Variants in PRKN observed in about 807,000 individuals in gnomAD.
The protein encoded by PRKN is parkin RBR E3 ubiquitin protein ligase, also known as E3 ubiquitin-protein ligase parkin.
In PRKN, 56 loss-of-function variants were observed where a neutral mutation model predicts 59.5. That is an observed-to-expected ratio of 0.94 (90% CI 0.76 to 1.18). The LOEUF is 1.18. PRKN is among the 50% of genes most tolerant of loss of function. The pLI is 0.00. For synonymous variants in PRKN, 250 were observed against 222.1 expected (o/e 1.13, Z -1.12); for missense variants, 657 against 596.4 (o/e 1.10, Z -1.06).
intron 5 of PRKN, among the ~76,000 whole-genome samples, chr6:162,012,066 C>G (rs947435062): frequency 6.6e-6 from 1 of 152,094 alleles, no homozygotes; most frequent in Non-Finnish European, 1.5e-5. Context: ...AATACAGGGT[C>G]TTCAACAACT....
chr6:161,880,707 CA>C (rs1256657280), intron 6 of PRKN, among the ~76,000 whole-genome samples: 3 of 152,274 alleles, frequency 2.0e-5, no homozygotes, highest in Admixed American at 6.5e-5. Flanking sequence ...CCCAGTGCAT[CA>C]TGAGAAGAAC....
chr6:162,237,649 C>A (rs1232059160), intron 3 of PRKN, among the ~76,000 whole-genome samples: 1 of 152,146 alleles, frequency 6.6e-6, no homozygotes, highest in Non-Finnish European at 1.5e-5. Context: ...TATGGCATCC[C>A]AGTTTTAAGG....
At chr6:162,244,798 A>C (rs905002679) in intron 3 of PRKN, among the ~76,000 whole-genome samples, 1 of 152,120 alleles carries the variant, frequency 6.6e-6, no homozygotes, top group Non-Finnish European at 1.5e-5. Context: ...ATCTAATTCA[A>C]AGAATATGGA....
intron 3 of PRKN, among the ~76,000 whole-genome samples, chr6:162,245,686 G>T (rs1298625264): frequency 1.3e-5 from 2 of 152,014 alleles, no homozygotes; most frequent in East Asian, 3.9e-4. Flanking sequence ...ATCTGCAACC[G>T]GGGTTCTCCA....
chr6:161,896,358 C>T (rs530797965), intron 6 of PRKN, among the ~76,000 whole-genome samples: 3 of 152,334 alleles, frequency 2.0e-5, no homozygotes, highest in African/African-American at 7.2e-5. Context: ...AGATCACTCT[C>T]TCTGGGTGCC....
intron 4 of PRKN, among the ~76,000 whole-genome samples, chr6:162,163,944 T>C (rs958098687): frequency 6.7e-6 from 1 of 148,906 alleles, no homozygotes; most frequent in African/African-American, 2.5e-5. Flanking sequence ...CCCTGCTCGG[T>C]GACTCACTAA....
At chr6:162,718,940 C>T (rs1029539730) in intron 1 of PRKN, among the ~76,000 whole-genome samples, 4 of 151,840 alleles carry the variant, frequency 2.6e-5, no homozygotes, top group African/African-American at 4.8e-5. Flanking sequence ...ACGGCAGATG[C>T]CACACACACA....
chr6:162,200,135 G>T (rs1421495774), intron 4 of PRKN, among the ~76,000 whole-genome samples: 1 of 152,084 alleles, frequency 6.6e-6, no homozygotes, highest in South Asian at 2.1e-4. Context: ...GGTGCCTGGG[G>T]TATTTACCCA....
chr6:161,511,838 C>T (rs1240436174), intron 9 of PRKN, among the ~76,000 whole-genome samples: 1 of 151,322 alleles, frequency 6.6e-6, no homozygotes, highest in Non-Finnish European at 1.5e-5. Context: ...AAAAAAAAAT[C>T]TGCTAACTGG....
chr6:161,427,060 C>T (rs1788400195), intron 9 of PRKN, among the ~76,000 whole-genome samples: 1 of 152,022 alleles, frequency 6.6e-6, no homozygotes, highest in African/African-American at 2.4e-5. Flanking sequence ...CTCTGGTCCA[C>T]CATGTGGGAG....
chr6:162,070,079 T>A (rs1778510786), intron 4 of PRKN, among the ~76,000 whole-genome samples: 1 of 152,206 alleles, frequency 6.6e-6, no homozygotes, highest in South Asian at 2.1e-4. Flanking sequence ...CTGTTAATGC[T>A]GTGTTCTATA....
At chr6:161,963,130 C>G (rs975632592) in intron 6 of PRKN, among the ~76,000 whole-genome samples, 2 of 151,918 alleles carry the variant, frequency 1.3e-5, no homozygotes, top group Non-Finnish European at 2.9e-5. Context: ...GTGACAAGAG[C>G]GAAATTCCAA....
chr6:162,422,858 A>G (rs979705366), intron 2 of PRKN, among the ~76,000 whole-genome samples: 1 of 146,778 alleles, frequency 6.8e-6, no homozygotes, highest in Non-Finnish European at 1.5e-5. Context: ...AGGCAAGAAA[A>G]TTTCTTGAAC....
rs561490558 is a variant in PRKN, at chr6:162,568,535, C to G, written c.8-125062G>C. 2.3e-5 allele frequency: 17 copies of G among 754,046 alleles called. No homozygotes were observed. The East Asian group carries it at 4.3e-4, about 19-fold the overall frequency. 46.7% of individuals were successfully genotyped at this position (754,046 alleles called of 1,614,324 possible). A position where few individuals can be genotyped will look rare whatever the true frequency, so the allele number is the denominator to read the frequency against. On this transcript the variant is annotated intron_variant, in intron 1 of 11. Coordinates refer to ENST00000366898, the MANE Select transcript of PRKN (RefSeq NM_004562.3). ...ACCAGAGACTGCTGAGCCTCCTTAA[C>G]CTGGAGGTGGACCCCAACATCCAGG...
chr6:161,680,596 T>C (rs893245873), intron 7 of PRKN, among the ~76,000 whole-genome samples: 3 of 151,534 alleles, frequency 2.0e-5, no homozygotes, highest in African/African-American at 7.3e-5. Context: ...TGTCATTAGA[T>C]TAGAGTGCAA....
intron 7 of PRKN, among the ~76,000 whole-genome samples, chr6:161,620,690 A>G (rs1782864064): frequency 6.6e-6 from 1 of 152,200 alleles, no homozygotes; most frequent in Admixed American, 6.5e-5. Flanking sequence ...TACATAGATT[A>G]TTGGTCAGGA....
At chr6:162,038,121 T>C (rs1783918108) in intron 5 of PRKN, among the ~76,000 whole-genome samples, 1 of 151,988 alleles carries the variant, frequency 6.6e-6, no homozygotes, top group Non-Finnish European at 1.5e-5. Context: ...GATCAACTGG[T>C]ATAGATTATT....
At chr6:161,368,901 G>A (rs971771534) in intron 10 of PRKN, among the ~76,000 whole-genome samples, 1 of 152,214 alleles carries the variant, frequency 6.6e-6, no homozygotes, top group Non-Finnish European at 1.5e-5. Flanking sequence ...CACCAAGAAG[G>A]CCCTTGGAGT....
chr6:162,138,212 C>T (rs1022240478), intron 4 of PRKN, among the ~76,000 whole-genome samples: 2 of 152,162 alleles, frequency 1.3e-5, no homozygotes, highest in Non-Finnish European at 2.9e-5. Flanking sequence ...GTTAACAATT[C>T]TCAAAGCTCA....
Sources: allele counts gnomAD v4.1 joint callset (sites outside exome capture counted in the v4.1 genomes callset), GRCh38; gene constraint gnomAD v4.1.1; transcripts MANE v1.5; gene names NCBI Gene and HGNC (gene_info 2026-07-23, HGNC 2026-07-21).